The following OLFM2 variants were observed in gnomAD, a reference collection of about 807,000 sequenced individuals.
OLFM2 encodes noelin-2.
OLFM2 carries 20 observed loss-of-function variants against 43.9 expected under a neutral mutation model. The observed-to-expected ratio is 0.46, with a 90% CI of 0.32 to 0.66. OLFM2 has a LOEUF of 0.66. Among genes scored for constraint, OLFM2 ranks in the 30% least tolerant of loss-of-function variants. The pLI, the probability that OLFM2 is intolerant of heterozygous loss-of-function variation, is 0.04. For synonymous variants in OLFM2, 268 were observed against 278.6 expected, an observed-to-expected ratio of 0.96 and a Z score of 0.38; for missense variants, 416 against 643.6, an observed-to-expected ratio of 0.65 and a Z score of 3.83.
Position 9,860,720 on chromosome 19 carries a change from G to A in OLFM2, c.138C>T (p.Cys46=). 6.2e-7 allele frequency: 1 copy of A among 1,608,338 alleles called. No homozygotes were observed. The highest frequency in any genetic ancestry group is 8.5e-7 in the Non-Finnish European group (1 of 1,177,538). Residue 46 remains cysteine (C), a synonymous_variant, in exon 2 of 6, where the codon TGC becomes TGT. Transcript: ENST00000264833. ...SAQAPDGKCI[C]TAVIPAQSTC... ...TACTCTGCGCTGGGATCACGGCCGT[G>A]CAGATGCATTTCCCGTCAGGGGCCT...
Position 9,936,423 on chromosome 19 carries a change from G to C in OLFM2, c.-57C>G. 1.7e-6 allele frequency: 2 copies of C among 1,160,754 alleles called. No individual in the cohort carries two copies. Among genetic ancestry groups the C allele is most frequent in the East Asian group, 4.2e-5 (1 of 23,862 alleles). 71.9% of individuals were successfully genotyped at this position (1,160,754 alleles called of 1,614,324 possible). ...GCCCGCCCTAGCGGCGCCTCGGCGC[G>C]GGGACCGCCACCAGGCGCGACCCCG... On this transcript the variant is annotated 5_prime_UTR_variant, in exon 1 of 6. Coordinates refer to ENST00000264833, the MANE Select transcript of OLFM2 (RefSeq NM_058164.4).
intron 1 of OLFM2, among the ~76,000 whole-genome samples, chr19:9,868,971 ATTTTT>A (rs33994907): frequency 9.7e-6 from 1 of 102,882 alleles, no homozygotes; most frequent in African/African-American, 3.7e-5. Flanking sequence ...AGTCCCTTAA[ATTTTT>A]TTTTTTTTTT....
At chr19:9,913,446 G>A in intron 1 of OLFM2, 1 of 1,023,802 alleles carries the variant, frequency 9.8e-7, no homozygotes, top group Non-Finnish European at 1.2e-6. Flanking sequence ...CGGGTACCAC[G>A]CCCCCCGGGA....
At chr19:9,889,642 G>T (rs2046620577) in intron 1 of OLFM2, among the ~76,000 whole-genome samples, 1 of 152,202 alleles carries the variant, frequency 6.6e-6, no homozygotes. Flanking sequence ...TTGCATCGGG[G>T]TGTCTGTGAG....
rs73500941 is a variant in OLFM2, at chr19:9,898,782, G to A, written c.63+37522C>T. Among the ~76,000 whole-genome samples the A allele has an allele frequency of 9.2e-3, 1,394 of 152,166 alleles. 23 individuals are homozygous for A. Among genetic ancestry groups the A allele is most frequent in the African/African-American group, 0.032 (1,334 of 41,500 alleles). ...ATCTGATCCATCAGCAAGTGCTGAC[G>A]GCTCTGCTTCTGAGATGTACCAGTC... On this transcript the variant is annotated intron_variant, in intron 1 of 5. Coordinates refer to ENST00000264833, the MANE Select transcript of OLFM2 (RefSeq NM_058164.4).
At chr19:9,921,267 C>T (rs531760703) in intron 1 of OLFM2, among the ~76,000 whole-genome samples, 8 of 152,066 alleles carry the variant, frequency 5.3e-5, no homozygotes, top group African/African-American at 1.9e-4. Flanking sequence ...CAGTCACATG[C>T]CACCATGCTT....
chr19:9,859,735 G>T (rs1410665116), intron 2 of OLFM2, among the ~76,000 whole-genome samples: 1 of 152,262 alleles, frequency 6.6e-6, no homozygotes, highest in East Asian at 1.9e-4. Flanking sequence ...AAGCTGGGTG[G>T]GACATGCCTG....
chr19:9,860,583 A>G (rs1468806643), intron 2 of OLFM2, 62 bp downstream of exon 2: 1 of 1,535,682 alleles, frequency 6.5e-7, no homozygotes, highest in Middle Eastern at 1.9e-4. Flanking sequence ...ATGGGGCTGG[A>G]GGGCGGGGTG....
intron 1 of OLFM2, among the ~76,000 whole-genome samples, chr19:9,871,504 C>T (rs2046441749): frequency 6.7e-6 from 1 of 149,058 alleles, no homozygotes; most frequent in African/African-American, 2.5e-5. Context: ...ACCCTGGAGG[C>T]GAAGGTTGCA....
intron 1 of OLFM2, among the ~76,000 whole-genome samples, chr19:9,915,158 T>G (rs928874834): frequency 2.0e-5 from 3 of 152,020 alleles, no homozygotes; most frequent in Non-Finnish European, 4.4e-5. Flanking sequence ...TTACTGAGCA[T>G]CTACTATGTC....
intron 1 of OLFM2, among the ~76,000 whole-genome samples, chr19:9,888,927 A>G (rs1227235146): frequency 2.6e-5 from 4 of 151,844 alleles, no homozygotes; most frequent in Admixed American, 6.6e-5. Flanking sequence ...TTAGCCGGGC[A>G]TGGTGGCGGG....
rs1157386659 is a variant in OLFM2, at chr19:9,856,084, C to A, written c.687+723G>T. 2.6e-5 allele frequency among the ~76,000 whole-genome samples: 4 copies of A among 152,116 alleles called. No individual in the cohort carries two copies. Among genetic ancestry groups the A allele is most frequent in the Non-Finnish European group, 5.9e-5 (4 of 68,014 alleles). ...TCATTGTTGTCATCATGTTAACTAG[C>A]ATTTGTTGTTGTTTTTGTTTTGTTT... On this transcript the variant is annotated intron_variant, in intron 5 of 5. Coordinates refer to ENST00000264833, the MANE Select transcript of OLFM2 (RefSeq NM_058164.4). This position sits in a 1 kb window ranked among gnomAD's most constrained non-coding sequence, Gnocchi z 4.0.
intron 1 of OLFM2, among the ~76,000 whole-genome samples, chr19:9,874,743 A>G (rs2046471216): frequency 6.6e-6 from 1 of 152,162 alleles, no homozygotes; most frequent in Non-Finnish European, 1.5e-5. Context: ...GGCCTCCCAA[A>G]GTGCTGGGAT....
At chr19:9,906,601 C>T (rs187107173) in intron 1 of OLFM2, among the ~76,000 whole-genome samples, 1 of 152,070 alleles carries the variant, frequency 6.6e-6, no homozygotes, top group East Asian at 1.9e-4. Flanking sequence ...AGGGGAGATG[C>T]GGAAACTCAA....
Position 9,873,916 on chromosome 19 carries a change from G to A in OLFM2, c.64-13122C>T, listed in dbSNP as rs114491312. Among the ~76,000 whole-genome samples, 712 of 135,530 alleles carry A rather than the reference G, an allele frequency of 5.3e-3. 4 individuals carry two copies. The highest frequency in any genetic ancestry group is 0.018 in the African/African-American group (669 of 36,426). 88.9% of individuals were successfully genotyped at this position (135,530 alleles called of 152,430 possible). A position where few individuals can be genotyped will look rare whatever the true frequency, so the allele number is the denominator to read the frequency against. On this transcript the variant is annotated intron_variant, in intron 1 of 5. Coordinates refer to ENST00000264833, the MANE Select transcript of OLFM2 (RefSeq NM_058164.4). ...TCTTCCCATCTTGGTCTCCCAAAGC[G>A]CTGAAATTACAGGTGTGGGCCACCA...
intron 1 of OLFM2, among the ~76,000 whole-genome samples, chr19:9,890,967 A>C (rs1452689527): frequency 6.6e-6 from 1 of 151,758 alleles, no homozygotes; most frequent in African/African-American, 2.4e-5. Context: ...ACAACGAAGA[A>C]AAAAAGAGGC....
Position 9,860,788 on chromosome 19 carries a change from A to G in OLFM2, c.70T>C (p.Phe24Leu), listed in dbSNP as rs1291048126. The G allele has an allele frequency of 1.2e-6, 2 of 1,605,620 alleles. No homozygotes were observed. Among genetic ancestry groups the G allele is most frequent in the South Asian group, 1.1e-5 (1 of 90,132 alleles). The part of the protein sequence containing the change: ...LCSGLAGQTL[F>L]QNPEEGWQLY... ...TGCCAGCCCTCTTCTGGGTTCTGGA[A>G]GAGAGTCTGCAAAGAGGTGGGGGTC... Residue 24 changes from phenylalanine (F) to leucine (L), a missense_variant, in exon 2 of 6, where the codon TTC (phenylalanine) becomes CTC (leucine). Coordinates refer to ENST00000264833, the MANE Select transcript of OLFM2 (RefSeq NM_058164.4).
In OLFM2 at chr19:9,854,706, T is replaced by C. The variant is rs2046300247; in HGVS notation, c.845A>G (p.Lys282Arg). 2 of 1,614,246 alleles carry C rather than the reference T, an allele frequency of 1.2e-6. No individual in the cohort carries two copies. Among genetic ancestry groups the C allele is most frequent in the Non-Finnish European group, 1.7e-6 (2 of 1,180,042 alleles). Residue 282 changes from lysine to arginine, a missense_variant, in exon 6 of 6, where the codon AAG becomes AGG. Transcript: ENST00000264833. The surrounding 1 kb of genome is among the most constrained non-coding windows in gnomAD (Gnocchi z 9.5). ...VVYNGSLFYN[K>R]YQSNVVVKYH... ...TTTGACCACCACGTTGCTCTGGTAC[T>C]TGTTATAGAACAGGGAGCCGTTGTA... is the stretch of plus-strand genomic sequence containing the variant.
At position 9,867,270 on chromosome 19, in the gene OLFM2, C is replaced by T. The variant is rs1189789355; in HGVS notation, c.64-6476G>A. 3.9e-5 allele frequency among the ~76,000 whole-genome samples: 6 copies of T among 152,156 alleles called. No individual in the cohort carries two copies. In the South Asian group the frequency reaches 6.2e-4, roughly 16 times the overall value. On this transcript the variant is annotated intron_variant, in intron 1 of 5. Coordinates refer to ENST00000264833, the MANE Select transcript of OLFM2 (RefSeq NM_058164.4). ...CCTGTAAGCCCAGCTACTCAGGAGG[C>T]TGAGGCAGAAGAATTGCTTGAACCC...
Sources: allele counts gnomAD v4.1 joint callset (sites outside exome capture counted in the v4.1 genomes callset), GRCh38; gene constraint gnomAD v4.1.1; non-coding constraint Gnocchi (gnomAD v3.1); transcripts MANE v1.5; gene names NCBI Gene and HGNC (gene_info 2026-07-23, HGNC 2026-07-21).